UNC13C: variants seen among roughly 807,000 people sequenced by gnomAD.
UNC13C encodes protein unc-13 homolog C.
A neutral mutation model predicts 245.4 loss-of-function variants in UNC13C; 174 were observed. The ratio of observed to expected loss-of-function variants is 0.71; its 90% CI spans 0.63 to 0.80. UNC13C has a LOEUF of 0.80. UNC13C is among the 30% of genes least tolerant of loss of function. The pLI is 0.00. For missense variants in UNC13C, 2,829 were observed against 2,602.9 expected, an observed-to-expected ratio of 1.09 and a Z score of -1.89; for synonymous variants, 992 against 895.1, an observed-to-expected ratio of 1.11 and a Z score of -1.93.
the UNC13C span, chr15:53,955,703 G>C: frequency 3.9e-5 from 6 of 152,212 alleles, no homozygotes; most frequent in Admixed American, 6.5e-5. Context: ...AAGAGGATTG[G>C]TTTTAAAAAT....
chr15:54,481,381 G>A (rs768097750), intron 19 of UNC13C, among the ~76,000 whole-genome samples: 1 of 152,056 alleles, frequency 6.6e-6, no homozygotes, highest in Non-Finnish European at 1.5e-5. Context: ...ACACTTGGGT[G>A]CAGACTGCAA....
intron 19 of UNC13C, among the ~76,000 whole-genome samples, chr15:54,488,932 A>G (rs1893561104): frequency 6.6e-6 from 1 of 152,216 alleles, no homozygotes; most frequent in Non-Finnish European, 1.5e-5. Context: ...AGTCATTCAC[A>G]TCAGTTGAGA....
chr15:53,950,634 G>C, the UNC13C span, among the ~76,000 whole-genome samples: 1 of 152,120 alleles, frequency 6.6e-6, no homozygotes, highest in Non-Finnish European at 1.5e-5. Flanking sequence ...TCGGTCTCTA[G>C]CATCCAACCA....
At chr15:54,031,380 C>T (rs554919806) in intron 2 of UNC13C, among the ~76,000 whole-genome samples, 4 of 152,242 alleles carry the variant, frequency 2.6e-5, no homozygotes, top group South Asian at 2.1e-4. Context: ...GCCGCCACCG[C>T]GCCTGGCTAA....
At chr15:54,419,272 A>G (rs2040587351) in intron 19 of UNC13C, among the ~76,000 whole-genome samples, 1 of 152,148 alleles carries the variant, frequency 6.6e-6, no homozygotes, top group Non-Finnish European at 1.5e-5. Context: ...CTGGTCAGCC[A>G]CTTTCTCTGG....
chr15:53,944,944 A>G, the UNC13C span, among the ~76,000 whole-genome samples: 1 of 152,136 alleles, frequency 6.6e-6, no homozygotes, highest in South Asian at 2.1e-4. Context: ...TTACTTTTTA[A>G]TAATAGCCAT....
At chr15:54,338,564 G>A in intron 17 of UNC13C, 75 bp downstream of exon 17, 2 of 1,485,984 alleles carry the variant, frequency 1.3e-6, no homozygotes, top group Non-Finnish European at 1.8e-6. Flanking sequence ...TAGCATAATA[G>A]TAAATAGAAA....
At chr15:54,485,292 C>T (rs1364058404) in intron 19 of UNC13C, among the ~76,000 whole-genome samples, 4 of 152,192 alleles carry the variant, frequency 2.6e-5, no homozygotes, top group Non-Finnish European at 5.9e-5. Flanking sequence ...ATTCATCCAT[C>T]TATGGTTCTA....
the UNC13C span, chr15:53,913,965 A>G: frequency 1.3e-5 from 2 of 152,372 alleles, no homozygotes; most frequent in African/African-American, 2.4e-5. Flanking sequence ...GTAATCACCA[A>G]TGTTGCAACA....
In UNC13C at chr15:54,546,939, C is replaced by T. The variant is rs1258619051; in HGVS notation, c.5820+94C>T. 6 of 1,160,716 alleles carry T rather than the reference C, an allele frequency of 5.2e-6. No homozygotes were observed. In the African/African-American group the frequency reaches 1.0e-4, roughly 19 times the overall value. The allele number at this position is 1,160,716 out of a possible 1,614,324, so 71.9% of individuals were successfully genotyped here. On this transcript the variant is annotated intron_variant, in intron 27 of 32. Coordinates refer to ENST00000260323, the MANE Select transcript of UNC13C (RefSeq NM_001080534.3). ...TCCAGATGAAATACTAATTAAATCC[C>T]TTTGGGGAAAAAGTGTTTGGTATCC...
At chr15:54,128,927 T>C (rs1039814125) in intron 2 of UNC13C, among the ~76,000 whole-genome samples, 1 of 152,152 alleles carries the variant, frequency 6.6e-6, no homozygotes, top group Non-Finnish European at 1.5e-5. Context: ...CTCAACTGGG[T>C]CATTCTCTTG....
At chr15:53,959,765 G>C in the UNC13C span, among the ~76,000 whole-genome samples, 1 of 152,122 alleles carries the variant, frequency 6.6e-6, no homozygotes, top group Non-Finnish European at 1.5e-5. Flanking sequence ...ATATAATATA[G>C]ATGATCCATG....
At chr15:53,940,355 A>G in the UNC13C span, among the ~76,000 whole-genome samples, 3 of 152,106 alleles carry the variant, frequency 2.0e-5, no homozygotes, top group African/African-American at 4.8e-5. Context: ...CCCACAGCCA[A>G]TATTATACTG....
chr15:54,199,711 C>G (rs969168908), intron 4 of UNC13C, among the ~76,000 whole-genome samples: 1 of 152,036 alleles, frequency 6.6e-6, no homozygotes, highest in Non-Finnish European at 1.5e-5. Flanking sequence ...TGAGATAAAT[C>G]TTCTAAATAA....
intron 13 of UNC13C, among the ~76,000 whole-genome samples, chr15:54,318,889 A>G (rs1257936435): frequency 6.6e-6 from 1 of 151,936 alleles, no homozygotes; most frequent in Non-Finnish European, 1.5e-5. Flanking sequence ...GAATGCCTTA[A>G]GTAAGTTATT....
chr15:53,906,135 A>G, the UNC13C span, among the ~76,000 whole-genome samples: 1 of 152,058 alleles, frequency 6.6e-6, no homozygotes, highest in African/African-American at 2.4e-5. Flanking sequence ...GGAGTTCAAG[A>G]CAAGCCTGGG....
intron 7 of UNC13C, among the ~76,000 whole-genome samples, chr15:54,244,170 G>A (rs1386093879): frequency 6.6e-6 from 1 of 152,148 alleles, no homozygotes; most frequent in African/African-American, 2.4e-5. Flanking sequence ...ATGTAAGCAA[G>A]TGGTCCACTT....
chr15:54,331,395 AGGAC>A (rs1473272401), intron 14 of UNC13C, among the ~76,000 whole-genome samples: 1 of 152,080 alleles, frequency 6.6e-6, no homozygotes, highest in Non-Finnish European at 1.5e-5. Context: ...TTCTGTTAAG[AGGAC>A]AGTTCAACAC....
At chr15:53,851,401 T>G in the UNC13C span, among the ~76,000 whole-genome samples, 1 of 152,140 alleles carries the variant, frequency 6.6e-6, no homozygotes. Flanking sequence ...TTAGCCCCAG[T>G]TTTAATGCCT....
Sources: gnomAD v4.1 joint callset for allele counts (sites outside exome capture counted in the v4.1 genomes callset) on GRCh38, gnomAD v4.1.1 for gene constraint, MANE v1.5 for transcripts, NCBI Gene and HGNC (gene_info 2026-07-23, HGNC 2026-07-21) for gene names.